IL4I1: variants seen among roughly 807,000 people sequenced by gnomAD.
IL4I1 encodes the protein L-amino-acid oxidase.
A neutral mutation model predicts 29.7 loss-of-function variants in IL4I1; 24 were observed. The ratio of observed to expected loss-of-function variants is 0.81; its 90% CI spans 0.59 to 1.14. IL4I1 has a LOEUF of 1.14. IL4I1 is among the 50% of genes most tolerant of loss of function. The pLI, the probability that IL4I1 is intolerant of heterozygous loss-of-function variation, is 0.00. For synonymous variants in IL4I1, 371 were observed against 352.5 expected, an observed-to-expected ratio of 1.05 and a Z score of -0.59; for missense variants, 686 against 785.6, an observed-to-expected ratio of 0.87 and a Z score of 1.52.
chr19:49,890,943 CCCCCT>C, intron 7 of IL4I1, 23 bp downstream of exon 7: 1 of 591,230 alleles, frequency 1.7e-6, no homozygotes, highest in Non-Finnish European at 2.6e-6. Context: ...CCCGCCCCCC[CCCCCT>C]GCCCGCCAGC....
At chr19:49,912,410 C>G (rs1204315205) in intron 2 of IL4I1, among the ~76,000 whole-genome samples, 1 of 152,150 alleles carries the variant, frequency 6.6e-6, no homozygotes, top group Non-Finnish European at 1.5e-5. Context: ...CTCAGGTGAT[C>G]CGCTTGCCTC....
At chr19:49,906,774 CT>C (rs2075331088) in intron 2 of IL4I1, 2 of 152,402 alleles carry the variant, frequency 1.3e-5, no homozygotes, top group South Asian at 4.1e-4. Flanking sequence ...GGAACCTGCT[CT>C]TTTTACTCAG....
At chr19:49,902,992 G>T (rs531705767) in intron 3 of IL4I1, among the ~76,000 whole-genome samples, 2 of 151,982 alleles carry the variant, frequency 1.3e-5, no homozygotes, top group South Asian at 4.2e-4. Flanking sequence ...GTGCACGCCT[G>T]TAGTCCCAGC....
At chr19:49,911,959 G>A (rs965337873) in intron 2 of IL4I1, among the ~76,000 whole-genome samples, 2 of 152,200 alleles carry the variant, frequency 1.3e-5, no homozygotes, top group Admixed American at 6.5e-5. Flanking sequence ...ACCTCAAGCC[G>A]GTGTGTTGTT....
At chr19:49,901,704 TC>T (rs780248944), upstream of IL4I1, 133 of 1,533,460 alleles carry the variant, frequency 8.7e-5, no homozygotes, top group Non-Finnish European at 1.1e-4. Flanking sequence ...AGGACAGAAG[TC>T]ATCGTTGGGC....
intron 2 of IL4I1, among the ~76,000 whole-genome samples, chr19:49,914,232 C>T (rs141948656): frequency 1.2e-4 from 18 of 152,282 alleles, no homozygotes; most frequent in African/African-American, 3.6e-4. Context: ...GCTCTGATCC[C>T]GGAATTACCA....
intron 2 of IL4I1, among the ~76,000 whole-genome samples, chr19:49,918,902 G>A (rs1490216526): frequency 6.7e-6 from 1 of 149,254 alleles, no homozygotes; most frequent in Non-Finnish European, 1.5e-5. Context: ...GGCTGGGGGG[G>A]GGGGGGCGGG....
intron 4 of IL4I1, among the ~76,000 whole-genome samples, chr19:49,894,769 G>A (rs1454518325): frequency 1.3e-5 from 2 of 152,030 alleles, no homozygotes; most frequent in African/African-American, 4.8e-5. Flanking sequence ...AAGGGGCCTG[G>A]GGCTGGGGTG....
chr19:49,925,387 G>A (rs1253709651), intron 2 of IL4I1, among the ~76,000 whole-genome samples: 2 of 149,074 alleles, frequency 1.3e-5, no homozygotes, highest in Non-Finnish European at 3.0e-5. Flanking sequence ...CAGGAATCAG[G>A]AATTCAAGAC....
At chr19:49,918,900 G>GT in intron 2 of IL4I1, among the ~76,000 whole-genome samples, 1 of 148,584 alleles carries the variant, frequency 6.7e-6, no homozygotes, top group African/African-American at 2.5e-5. Context: ...GAGGCTGGGG[G>GT]GGGGGGGGCG....
intron 2 of IL4I1, among the ~76,000 whole-genome samples, chr19:49,913,875 C>T (rs560599127): frequency 1.1e-4 from 17 of 152,184 alleles, no homozygotes; most frequent in East Asian, 3.9e-4. Context: ...GAGCCACAGG[C>T]GGACTTTATG....
chr19:49,896,300 G>GA, intron 1 of IL4I1, 118 bp from the exon 2 acceptor site: 2 of 1,259,636 alleles, frequency 1.6e-6, no homozygotes, highest in Non-Finnish European at 2.2e-6. Flanking sequence ...TCACTGTCCT[G>GA]CTCTCTGGAC....
intron 2 of IL4I1, chr19:49,909,103 A>G (rs779246513): frequency 1.9e-6 from 3 of 1,612,468 alleles, no homozygotes; most frequent in Non-Finnish European, 2.5e-6. Context: ...GGGAGAGTCC[A>G]GTGGTGGCAG....
At chr19:49,895,470 G>A (rs376665747) in intron 3 of IL4I1, among the ~76,000 whole-genome samples, 5 of 152,166 alleles carry the variant, frequency 3.3e-5, no homozygotes, top group African/African-American at 7.2e-5. Context: ...TCTCATTCTC[G>A]GATTGCAGTG....
intron 2 of IL4I1, among the ~76,000 whole-genome samples, chr19:49,905,766 C>T (rs1054520427): frequency 6.6e-6 from 1 of 152,152 alleles, no homozygotes; most frequent in Non-Finnish European, 1.5e-5. Context: ...TAGCCACCAG[C>T]TCATGTTTGT....
chr19:49,890,929 G>GCCACC, intron 7 of IL4I1, 42 bp downstream of exon 7: 1 of 454,452 alleles, frequency 2.2e-6, no homozygotes, highest in Non-Finnish European at 3.5e-6. Context: ...TTCCCTGATT[G>GCCACC]CCCCCCGCCC....
At chr19:49,916,010 C>T (rs2075614330) in intron 2 of IL4I1, among the ~76,000 whole-genome samples, 1 of 152,254 alleles carries the variant, frequency 6.6e-6, no homozygotes, top group Non-Finnish European at 1.5e-5. Flanking sequence ...ACAGTAGGGA[C>T]TCAGTAACAA....
In IL4I1 at chr19:49,907,533, GTTTC is replaced by G. The variant is rs1229620226; in HGVS notation, c.-227-3216_-227-3213del. 2.1e-4 allele frequency: 85 copies of G among 404,588 alleles called. No homozygotes were observed. The East Asian group carries it at 5.7e-3, about 27-fold the overall frequency. 25.1% of individuals were successfully genotyped at this position (404,588 alleles called of 1,614,324 possible). A position where few individuals can be genotyped will look rare whatever the true frequency, so the allele number is the denominator to read the frequency against. On this transcript the variant is annotated intron_variant, in intron 2 of 9. Coordinates refer to the IL4I1 transcript ENST00000341114. The stretch of plus-strand genomic sequence containing the variant: ...AAAACTAGGCTGCTGTCTCCTGGGA[GTTTC>G]TTTTTTTTTTTTTTTTTTTTTGAGA...
intron 2 of IL4I1, among the ~76,000 whole-genome samples, chr19:49,920,737 C>T (rs769938071): frequency 6.6e-6 from 1 of 152,186 alleles, no homozygotes; most frequent in African/African-American, 2.4e-5. Flanking sequence ...AGAGCTGAAA[C>T]GCTCTGGTTG....
Sources: allele counts gnomAD v4.1 joint callset (sites outside exome capture counted in the v4.1 genomes callset), GRCh38; gene constraint gnomAD v4.1.1; transcripts MANE v1.5; gene names NCBI Gene and HGNC (gene_info 2026-07-23, HGNC 2026-07-21).